Variants in FAM136A observed in about 807,000 individuals in gnomAD.
The protein encoded by FAM136A is TIM double twin CX3C motif chaperone.
A neutral mutation model predicts 21.6 loss-of-function variants in FAM136A; 25 were observed. That is an observed-to-expected ratio of 1.16 (90% CI 0.84 to 1.62). FAM136A has a LOEUF of 1.62. FAM136A is among the 40% of genes most tolerant of loss of function. FAM136A has a pLI of 0.00. For synonymous variants in FAM136A, 119 were observed against 129.4 expected, an observed-to-expected ratio of 0.92 and a Z score of 0.55; for missense variants, 338 against 332.0, an observed-to-expected ratio of 1.02 and a Z score of -0.14.
At position 70,301,904 on chromosome 2, in the gene FAM136A, G is replaced by T; in HGVS notation, c.108C>A (p.Asn36Lys). The change falls in exon 1 of 3, where the codon AAC becomes AAA. Residue 36 changes from asparagine to lysine, a missense_variant. Asn to Lys is a moderately conservative substitution (Grantham distance 94). Transcript: ENST00000430566. ...RKMQVAGLGP[N>K]QDPLLSGWVP... The stretch of plus-strand genomic sequence containing the variant: ...CCCACCCGCTGAGAAGGGGGTCCTG[G>T]TTCGGCCCCAGCCCCGCTACCTGCA... The T allele has an allele frequency of 6.3e-7, 1 of 1,598,680 alleles. No individual in the cohort carries two copies. Among genetic ancestry groups the T allele is most frequent in the Non-Finnish European group, 8.5e-7 (1 of 1,173,580 alleles).
intron 1 of FAM136A, 62 bp from the exon 2 acceptor site, chr2:70,301,042 G>C: frequency 1.3e-6 from 2 of 1,560,616 alleles, no homozygotes; most frequent in East Asian, 2.3e-5. Context: ...TGACTATGGA[G>C]CACTACAGGA....
In FAM136A at chr2:70,302,023, G is replaced by A. The variant is rs764168585; in HGVS notation, c.-12C>T. The A allele has an allele frequency of 3.2e-5, 51 of 1,577,936 alleles. No homozygotes were observed. Among genetic ancestry groups the A allele is most frequent in the African/African-American group, 4.2e-5 (3 of 70,924 alleles). ...TGCAGCTCAGCCATGGCGACCCCGC[G>A]CTGCCCCGCGGCGCTCCGCGCCGGC... On this transcript the variant is annotated 5_prime_UTR_variant, in exon 1 of 3. Coordinates refer to ENST00000430566, the MANE Select transcript of FAM136A (RefSeq NM_001329752.2).
chr2:70,300,635 C>A, intron 2 of FAM136A: 1 of 529,574 alleles, frequency 1.9e-6, no homozygotes, highest in Non-Finnish European at 3.3e-6. Context: ...TACATCATTT[C>A]TATAGGAAAT....
Position 70,301,626 on chromosome 2 carries a change from G to C in FAM136A, c.386C>G (p.Pro129Arg), listed in dbSNP as rs547137770. The C allele has an allele frequency of 1.5e-5, 23 of 1,535,922 alleles. No homozygotes were observed. In the African/African-American group the frequency reaches 2.9e-4, roughly 19 times the overall value. Residue 129 changes from proline (P) to arginine (R), a missense_variant, in exon 1 of 3, where the codon CCT becomes CGT. Pro to Arg is a moderately radical substitution (Grantham distance 103). Coordinates refer to ENST00000430566, the MANE Select transcript of FAM136A (RefSeq NM_001329752.2). ...CACCTGCGGAAGGGGCCGCGTAAGA[G>C]GGGAAGGTGGTGGGGCGAGCGCCTG... Reference protein sequence around the residue: ...WWQALAPPPSPLTRPLPQGLM... With the variant: ...WWQALAPPPSRLTRPLPQGLM...
intron 1 of FAM136A, 171 bp downstream of exon 1, chr2:70,301,433 A>C (rs1292529620): frequency 6.5e-7 from 1 of 1,535,258 alleles, no homozygotes. Context: ...GGACCGAAAC[A>C]CACAGAGGCA....
rs767392518 is a variant in FAM136A, at chr2:70,297,448, G to A, written c.579C>T (p.Cys193=). ...QDRLARCTMH[C]NDKAKDSIDA... Reference sequence around the variant, plus strand: ...CTATTGAATCTTTGGCTTTGTCGTTGCAATGCATGGTGCACCGGGCCAGGC... The same window carrying A: ...CTATTGAATCTTTGGCTTTGTCGTTACAATGCATGGTGCACCGGGCCAGGC... Residue 193 remains cysteine, a synonymous_variant, in exon 3 of 3, where the codon TGC becomes TGT. Transcript: ENST00000430566. The A allele has an allele frequency of 1.2e-6, 2 of 1,613,924 alleles. No homozygotes were observed. Among genetic ancestry groups the A allele is most frequent in the Admixed American group, 3.3e-5 (2 of 60,004 alleles).
Position 70,300,827 on chromosome 2 carries a change from G to A in FAM136A, c.549+13C>T. ...ATCAAGGACTACAGTGCTCTGTCTA[G>A]GATATTTCTCACCTGGAACTTCTCC... On this transcript the variant is annotated intron_variant, in intron 2 of 2. Transcript: ENST00000430566. The A allele has an allele frequency of 1.2e-6, 2 of 1,605,556 alleles. No individual in the cohort carries two copies. The highest frequency in any genetic ancestry group is 1.7e-6 in the Non-Finnish European group (2 of 1,173,338).
At position 70,301,326 on chromosome 2, in the gene FAM136A, CA is replaced by C. The variant is rs913107287; in HGVS notation, c.408+277del. ...CTCTTCCATGGGGTTCAGAGGTCAGCAACCTAGCAATACAAATTCCACCAGA... is the reference window on the plus strand; with the variant it reads ...CTCTTCCATGGGGTTCAGAGGTCAGCACCTAGCAATACAAATTCCACCAGA... On this transcript the variant is annotated intron_variant, in intron 1 of 2. Coordinates refer to ENST00000430566, the MANE Select transcript of FAM136A (RefSeq NM_001329752.2). 58 of 1,440,350 alleles carry C rather than the reference CA, an allele frequency of 4.0e-5. No homozygotes were observed. The African/African-American group carries it at 8.1e-4, about 20-fold the overall frequency. The allele number at this position is 1,440,350 out of a possible 1,614,324, so 89.2% of individuals were successfully genotyped here.
chr2:70,299,079 CAAAG>C (rs1048693510), intron 2 of FAM136A, among the ~76,000 whole-genome samples: 3 of 152,164 alleles, frequency 2.0e-5, no homozygotes, highest in Non-Finnish European at 4.4e-5. Flanking sequence ...AAAAAGAACA[CAAAG>C]AAACCCTTTG....
intron 2 of FAM136A, among the ~76,000 whole-genome samples, chr2:70,299,602 T>A (rs1697338759): frequency 3.3e-5 from 5 of 152,208 alleles, no homozygotes. Context: ...TTTTTATTTT[T>A]ATTTTATTTA....
Position 70,296,737 on chromosome 2 carries a change from T to G in FAM136A, c.*552A>C, listed in dbSNP as rs1024766405. 1 of 152,304 alleles carries G rather than the reference T, an allele frequency of 6.6e-6. No individual in the cohort carries two copies. Among genetic ancestry groups the G allele is most frequent in the Non-Finnish European group, 1.5e-5 (1 of 68,098 alleles). The allele number at this position is 152,304 out of a possible 1,614,324, so 9.4% of individuals were successfully genotyped here. On this transcript the variant is annotated 3_prime_UTR_variant, in exon 3 of 3. Coordinates refer to ENST00000430566, the MANE Select transcript of FAM136A (RefSeq NM_001329752.2). ...CTAGTCTACCTCCCAGTTCCACATC[T>G]TAAAATCAACTTGTATGCCCTTGTA...
In FAM136A at chr2:70,302,066, G is replaced by A. The variant is rs1015900854; in HGVS notation, c.-55C>T. On this transcript the variant is annotated 5_prime_UTR_variant, in exon 1 of 3. It adds an upstream start codon to the 5' untranslated region. Coordinates refer to ENST00000430566, the MANE Select transcript of FAM136A (RefSeq NM_001329752.2). Reference sequence around the variant, plus strand: ...GCGCCGGCGCCCATATGGAATCGGCGTACGGGCCCGCCCCCTCACCGCCCT... The same window carrying A: ...GCGCCGGCGCCCATATGGAATCGGCATACGGGCCCGCCCCCTCACCGCCCT... The A allele has an allele frequency of 9.3e-6, 14 of 1,503,428 alleles. No homozygotes were observed. Among genetic ancestry groups the A allele is most frequent in the Admixed American group, 2.4e-5 (1 of 42,076 alleles). The allele number at this position is 1,503,428 out of a possible 1,614,324, so 93.1% of individuals were successfully genotyped here. A position where few individuals can be genotyped will look rare whatever the true frequency, so the allele number is the denominator to read the frequency against.
chr2:70,299,757 C>T (rs1697343488), intron 2 of FAM136A, among the ~76,000 whole-genome samples: 2 of 150,728 alleles, frequency 1.3e-5, no homozygotes, highest in South Asian at 2.1e-4. Context: ...CCCACCACCA[C>T]ACCTGGCCAA....
chr2:70,300,726 C>G, intron 2 of FAM136A, 114 bp downstream of exon 2: 2 of 1,312,998 alleles, frequency 1.5e-6, no homozygotes, highest in Non-Finnish European at 2.1e-6. Context: ...CCATCAGTAT[C>G]ACAACTGTTA....
At chr2:70,301,527 CA>C in intron 1 of FAM136A, 76 bp downstream of exon 1, 1 of 1,535,998 alleles carries the variant, frequency 6.5e-7, no homozygotes, top group Non-Finnish European at 8.7e-7. Context: ...ATGACCTGGC[CA>C]ACGGGGAGGC....
chr2:70,299,981 A>G (rs1256873178), intron 2 of FAM136A, among the ~76,000 whole-genome samples: 3 of 151,830 alleles, frequency 2.0e-5, no homozygotes, highest in Non-Finnish European at 2.9e-5. Flanking sequence ...GGCTCACTGC[A>G]ACCTGCGCCT....
intron 2 of FAM136A, 102 bp downstream of exon 2, chr2:70,300,737 AC>A: frequency 7.2e-7 from 1 of 1,380,230 alleles, no homozygotes; most frequent in South Asian, 1.6e-5. Context: ...ACAACTGTTA[AC>A]AGAACCAAGA....
chr2:70,300,867 C>T lies in FAM136A; in HGVS notation c.522G>A (p.Leu174=). ...CHVPLAQAQA[L]VTSELEKFQD... Reference sequence around the variant, plus strand: ...GGAACTTCTCCAGCTCACTGGTGACCAAAGCCTGGGCTTGAGCCAGAGGCA... The same window carrying T: ...GGAACTTCTCCAGCTCACTGGTGACTAAAGCCTGGGCTTGAGCCAGAGGCA... Residue 174 remains leucine (L), a synonymous_variant, in exon 2 of 3, where the codon TTG becomes TTA. Transcript: ENST00000430566. 1 of 1,612,632 alleles carries T rather than the reference C, an allele frequency of 6.2e-7. No homozygotes were observed. Among genetic ancestry groups the T allele is most frequent in the South Asian group, 1.1e-5 (1 of 91,056 alleles).
intron 2 of FAM136A, chr2:70,300,610 C>T (rs1021690439): frequency 5.3e-6 from 2 of 375,410 alleles, no homozygotes; most frequent in Non-Finnish European, 4.9e-6. Flanking sequence ...CAGGCATGAG[C>T]CTCCGCGCTC....
Sources: allele counts gnomAD v4.1 joint callset (sites outside exome capture counted in the v4.1 genomes callset), GRCh38; gene constraint gnomAD v4.1.1; transcripts MANE v1.5; gene names NCBI Gene and HGNC (gene_info 2026-07-23, HGNC 2026-07-21).